Variants in CDK13 observed in about 807,000 individuals in gnomAD.
CDK13 encodes cyclin dependent kinase 13.
Under a neutral mutation model 137.6 loss-of-function variants are expected in CDK13, and 40 were observed. The ratio of observed to expected loss-of-function variants is 0.29; its 90% CI spans 0.23 to 0.38. The LOEUF is 0.38. CDK13 is among the 10% of genes least tolerant of loss of function. The pLI, the probability that CDK13 is intolerant of heterozygous loss-of-function variation, is 1.00. For missense variants in CDK13, 1,704 were observed against 1,951.8 expected (o/e 0.87, Z 2.39); for synonymous variants, 869 against 760.1 (o/e 1.14, Z -2.36).
chr7:39,974,305 C>T (rs757538853), intron 1 of CDK13, among the ~76,000 whole-genome samples: 7 of 151,996 alleles, frequency 4.6e-5, no homozygotes, highest in Admixed American at 6.6e-5. Context: ...GGCTCAAGCG[C>T]TCCTCCTGCC....
Position 40,097,423 on chromosome 7 carries a change from T to C in CDK13, c.*2443T>C, listed in dbSNP as rs1310713783. On this transcript the variant is annotated 3_prime_UTR_variant, in exon 14 of 14. Coordinates refer to ENST00000181839, the MANE Select transcript of CDK13 (RefSeq NM_003718.5). ...AATATGTCTTATAATTGATGAAATATGATAGTAAAAAATTTTAATGCTTCC... is the reference window on the plus strand; with the variant it reads ...AATATGTCTTATAATTGATGAAATACGATAGTAAAAAATTTTAATGCTTCC... 1 of 152,064 alleles carries C rather than the reference T, an allele frequency of 6.6e-6. No homozygotes were observed. Among genetic ancestry groups the C allele is most frequent in the Non-Finnish European group, 1.5e-5 (1 of 67,960 alleles). The allele number at this position is 152,064 out of a possible 1,614,324, so 9.4% of individuals were successfully genotyped here. A position where few individuals can be genotyped will look rare whatever the true frequency, so the allele number is the denominator to read the frequency against.
At position 40,095,286 on chromosome 7, in the gene CDK13, G is replaced by A. The variant is rs1257789394; in HGVS notation, c.*306G>A. Reference sequence around the variant, plus strand: ...ATAAGCCTTTTATGGCCCTCTTGCAGATCTTCTGAACTATGCACATTTGTG... The same window carrying A: ...ATAAGCCTTTTATGGCCCTCTTGCAAATCTTCTGAACTATGCACATTTGTG... On this transcript the variant is annotated 3_prime_UTR_variant, in exon 14 of 14. Coordinates refer to ENST00000181839, the MANE Select transcript of CDK13 (RefSeq NM_003718.5). 1.6e-5 allele frequency: 3 copies of A among 188,584 alleles called. No homozygotes were observed. The highest frequency in any genetic ancestry group is 3.2e-5 in the Non-Finnish European group (3 of 92,444). The allele number at this position is 188,584 out of a possible 1,614,324, so 11.7% of individuals were successfully genotyped here. A position where few individuals can be genotyped will look rare whatever the true frequency, so the allele number is the denominator to read the frequency against.
At chr7:40,000,135 G>A (rs1784652675) in intron 4 of CDK13, among the ~76,000 whole-genome samples, 1 of 107,334 alleles carries the variant, frequency 9.3e-6, no homozygotes, top group South Asian at 2.9e-4. Context: ...TAGCACTTTG[G>A]GAGGCTGAGA....
intron 13 of CDK13, 49 bp downstream of exon 13, chr7:40,093,286 A>G (rs370102170): frequency 2.3e-5 from 33 of 1,418,196 alleles, no homozygotes; most frequent in Non-Finnish European, 3.2e-5. Context: ...TACATTGTCT[A>G]CTCAGTGTTG....
intron 9 of CDK13, chr7:40,071,327 C>CT (rs2150532127): frequency 6.6e-6 from 1 of 152,222 alleles, no homozygotes. Flanking sequence ...GTTTTAAAGT[C>CT]TATAACGTCT....
chr7:39,999,928 C>G (rs1784648830), intron 4 of CDK13, among the ~76,000 whole-genome samples: 1 of 152,112 alleles, frequency 6.6e-6, no homozygotes, highest in South Asian at 2.1e-4. Flanking sequence ...CCAGTTTTAG[C>G]AGCTTAATCT....
chr7:40,017,936 T>A (rs573922528), intron 5 of CDK13, among the ~76,000 whole-genome samples: 15 of 151,132 alleles, frequency 9.9e-5, no homozygotes, highest in East Asian at 3.9e-4. Flanking sequence ...TTTTTTTTTT[T>A]TAAATTCCCA....
chr7:40,012,603 A>G (rs1018502437), intron 5 of CDK13, among the ~76,000 whole-genome samples: 4 of 151,926 alleles, frequency 2.6e-5, no homozygotes, highest in Non-Finnish European at 5.9e-5. Flanking sequence ...TTGTCAAATA[A>G]AACATTTAAA....
intron 12 of CDK13, among the ~76,000 whole-genome samples, chr7:40,089,085 A>ATG (rs140567334): frequency 0.093 from 13,837 of 148,486 alleles, 975 homozygotes; most frequent in East Asian, 0.32. Flanking sequence ...ATCTCAAAAT[A>ATG]TGTGTGTGTG....
At chr7:40,093,988 C>G in intron 13 of CDK13, 142 bp from the exon 14 acceptor site, 1 of 859,568 alleles carries the variant, frequency 1.2e-6, no homozygotes. Flanking sequence ...TACTTGTAAA[C>G]TTTTTGCTTT....
At chr7:40,046,445 A>G (rs2150515931) in intron 6 of CDK13, among the ~76,000 whole-genome samples, 1 of 152,168 alleles carries the variant, frequency 6.6e-6, no homozygotes, top group African/African-American at 2.4e-5. Flanking sequence ...GGAGTTCATG[A>G]CCAGCCTGGC....
chr7:39,994,683 TAA>T (rs1436750178), intron 2 of CDK13, among the ~76,000 whole-genome samples: 1 of 152,202 alleles, frequency 6.6e-6, no homozygotes, highest in Non-Finnish European at 1.5e-5. Flanking sequence ...GAATATTATG[TAA>T]ATCTTTGGAT....
chr7:40,009,282 C>T lies in CDK13; in HGVS notation c.2353+7251C>T, dbSNP rs192446272. On this transcript the variant is annotated intron_variant, in intron 5 of 13. Transcript: ENST00000181839. Reference sequence around the variant, plus strand: ...TCACTTGGGTGAAATGTAGCCTGAACTATATTTTATTCCTCCATTTTGCAT... The same window carrying T: ...TCACTTGGGTGAAATGTAGCCTGAATTATATTTTATTCCTCCATTTTGCAT... Among the ~76,000 whole-genome samples the T allele has an allele frequency of 1.7e-4, 26 of 152,310 alleles. No homozygotes were observed. The East Asian group carries it at 4.4e-3, about 26-fold the overall frequency.
intron 9 of CDK13, among the ~76,000 whole-genome samples, chr7:40,064,332 T>G (rs1309603018): frequency 1.4e-5 from 2 of 147,164 alleles, no homozygotes; most frequent in Non-Finnish European, 3.0e-5. Context: ...TCATATGTAA[T>G]AATGTAAACG....
At chr7:40,053,775 A>T (rs1785948032) in intron 7 of CDK13, among the ~76,000 whole-genome samples, 1 of 151,736 alleles carries the variant, frequency 6.6e-6, no homozygotes, top group Non-Finnish European at 1.5e-5. Context: ...TTTTTAAGAA[A>T]AAGAAGGGAA....
At chr7:39,979,201 T>C in intron 1 of CDK13, among the ~76,000 whole-genome samples, 1 of 147,132 alleles carries the variant, frequency 6.8e-6, no homozygotes, top group African/African-American at 2.6e-5. Flanking sequence ...GTAGATTTTT[T>C]TCTTTCTTTT....
chr7:40,036,811 A>G (rs1311483944), intron 5 of CDK13, among the ~76,000 whole-genome samples: 1 of 152,114 alleles, frequency 6.6e-6, no homozygotes, highest in Non-Finnish European at 1.5e-5. Context: ...ATGAAATTGT[A>G]GTTACATTTA....
chr7:39,988,012 C>T lies in CDK13; in HGVS notation c.1625C>T (p.Pro542Leu), dbSNP rs139418651. The change falls in exon 2 of 14, where the codon CCT becomes CTT. Residue 542 changes from proline to leucine, a missense_variant. Around this residue, in one of 5 missense-constraint regions of CDK13, gnomAD observed 1,051 missense variants for 931.0 expected, o/e 1.13. Coordinates refer to ENST00000181839, the MANE Select transcript of CDK13 (RefSeq NM_003718.5). Reference sequence around the variant, plus strand: ...AATGACAAAGCAAAAACAAAGCCACCTCTTCAGGTAACGAAGGTGGAAAAT... The same window carrying T: ...AATGACAAAGCAAAAACAAAGCCACTTCTTCAGGTAACGAAGGTGGAAAAT... ...LKNDKAKTKPPLQVTKVENNL... is the reference protein window; with the variant it reads ...LKNDKAKTKPLLQVTKVENNL... The T allele has an allele frequency of 6.8e-6, 11 of 1,614,056 alleles. No individual in the cohort carries two copies. The highest frequency in any genetic ancestry group is 9.3e-6 in the Non-Finnish European group (11 of 1,179,986).
intron 7 of CDK13, among the ~76,000 whole-genome samples, chr7:40,053,155 G>C (rs1465432248): frequency 6.6e-6 from 1 of 151,986 alleles, no homozygotes; most frequent in Non-Finnish European, 1.5e-5. Flanking sequence ...TTCTGTTGGG[G>C]GTATATCATC....
Sources: gnomAD v4.1 joint callset for allele counts (sites outside exome capture counted in the v4.1 genomes callset) on GRCh38, gnomAD v4.1.1 for gene constraint, gnomAD v4.1.1 regional missense constraint, MANE v1.5 for transcripts, NCBI Gene and HGNC (gene_info 2026-07-23, HGNC 2026-07-21) for gene names.